Variants in ATRN observed in about 807,000 individuals in gnomAD.
ATRN encodes attractin-2.
ATRN carries 54 observed loss-of-function variants against 178.7 expected under a neutral mutation model. The observed-to-expected ratio is 0.30, with a 90% CI of 0.24 to 0.38. The LOEUF is 0.38. ATRN is among the 10% of genes least tolerant of loss of function. The pLI is 1.00. For synonymous variants in ATRN, 636 were observed against 663.0 expected (o/e 0.96, Z 0.63); for missense variants, 1,443 against 1,815.1 (o/e 0.79, Z 3.73).
chr20:3,516,603 A>G (rs944547815), intron 1 of ATRN, among the ~76,000 whole-genome samples: 1 of 152,188 alleles, frequency 6.6e-6, no homozygotes. Flanking sequence ...CTTTAATAAT[A>G]AGGAGGAGCC....
At chr20:3,497,216 G>C (rs1358881935) in intron 1 of ATRN, among the ~76,000 whole-genome samples, 2 of 147,840 alleles carry the variant, frequency 1.4e-5, no homozygotes, top group African/African-American at 5.0e-5. Context: ...GATGTTAGCT[G>C]GTTATTTTGC....
chr20:3,553,693 G>A (rs235590), intron 6 of ATRN, among the ~76,000 whole-genome samples: 127,835 of 152,194 alleles, frequency 0.84, 53,969 homozygotes, highest in East Asian at 1. Context: ...CAAAACGTAC[G>A]GTGTACATCA....
chr20:3,559,452 T>C lies in ATRN; in HGVS notation c.1172T>C (p.Val391Ala). The C allele has an allele frequency of 6.2e-7, 1 of 1,613,958 alleles. No homozygotes were observed. Among genetic ancestry groups the C allele is most frequent in the Non-Finnish European group, 8.5e-7 (1 of 1,179,836 alleles). Reference protein sequence around the residue: ...PLNRSVNNVVVRYGHSLALYK... With the variant: ...PLNRSVNNVVARYGHSLALYK... The stretch of plus-strand genomic sequence containing the variant: ...AACCGTTCTGTGAACAATGTGGTTG[T>C]TAGATATGGTCATTCTTTGGCATTA... The change falls in exon 7 of 29, where the codon GTT becomes GCT. Residue 391 changes from valine (V) to alanine (A), a missense_variant. Coordinates refer to ENST00000262919, the MANE Select transcript of ATRN (RefSeq NM_139321.3).
chr20:3,504,697 AATAAT>A (rs2085015459), intron 1 of ATRN, among the ~76,000 whole-genome samples: 1 of 71,052 alleles, frequency 1.4e-5, no homozygotes, highest in Admixed American at 1.2e-4. Context: ...AGATAATAAT[AATAAT>A]AATAATAATA....
chr20:3,471,034 C>A lies in ATRN; in HGVS notation c.-74C>A. 2 of 1,410,598 alleles carry A rather than the reference C, an allele frequency of 1.4e-6. No individual in the cohort carries two copies. The highest frequency in any genetic ancestry group is 1.8e-6 in the Non-Finnish European group (2 of 1,087,234). The allele number at this position is 1,410,598 out of a possible 1,614,324, so 87.4% of individuals were successfully genotyped here. A position where few individuals can be genotyped will look rare whatever the true frequency, so the allele number is the denominator to read the frequency against. On this transcript the variant is annotated 5_prime_UTR_variant, in exon 1 of 29. Coordinates refer to ENST00000262919, the MANE Select transcript of ATRN (RefSeq NM_139321.3). ...ACCGTCCGCACAGCCCCGCCCCGCACGGCCAGGCGAAGCGGAGCCGGCCGT... is the reference window on the plus strand; with the variant it reads ...ACCGTCCGCACAGCCCCGCCCCGCAAGGCCAGGCGAAGCGGAGCCGGCCGT...
intron 1 of ATRN, among the ~76,000 whole-genome samples, chr20:3,514,311 T>A (rs891316827): frequency 5.3e-5 from 8 of 152,212 alleles, no homozygotes; most frequent in Admixed American, 3.9e-4. Context: ...ATTTCACCAA[T>A]GTTACAGACT....
intron 1 of ATRN, chr20:3,491,109 T>G (rs905158134): frequency 1.1e-5 from 7 of 615,604 alleles, no homozygotes; most frequent in Non-Finnish European, 2.0e-5. Context: ...AGTATTTTAT[T>G]GATTCTAATA....
intron 1 of ATRN, among the ~76,000 whole-genome samples, chr20:3,530,410 C>T (rs1433454845): frequency 2.0e-5 from 3 of 150,050 alleles, no homozygotes; most frequent in African/African-American, 7.3e-5. Flanking sequence ...ATTATAGGCA[C>T]TTGCCACCAT....
chr20:3,539,004 A>G (rs2085580879), intron 2 of ATRN, among the ~76,000 whole-genome samples: 2 of 152,158 alleles, frequency 1.3e-5, no homozygotes, highest in South Asian at 2.1e-4. Context: ...TCCAAAGCTT[A>G]CTGGCCTATC....
At chr20:3,480,669 T>C (rs1168133501) in intron 1 of ATRN, among the ~76,000 whole-genome samples, 1 of 152,140 alleles carries the variant, frequency 6.6e-6, no homozygotes, top group Non-Finnish European at 1.5e-5. Context: ...CAAATTACCA[T>C]AGACTTTACC....
chr20:3,512,075 CT>C (rs1164587158), intron 1 of ATRN, among the ~76,000 whole-genome samples: 1 of 96,306 alleles, frequency 1.0e-5, no homozygotes, highest in African/African-American at 4.1e-5. Flanking sequence ...GTTATGTGTT[CT>C]TTTTTCTTTT....
At chr20:3,572,652 T>TTA in intron 11 of ATRN, 79 bp from the exon 12 acceptor site, 1 of 1,035,928 alleles carries the variant, frequency 9.7e-7, no homozygotes, top group Non-Finnish European at 1.3e-6. Flanking sequence ...CCCTGTCTCT[T>TTA]AAAAAAAAAA....
At chr20:3,563,487 G>T in intron 10 of ATRN, 124 bp downstream of exon 10, 8 of 982,556 alleles carry the variant, frequency 8.1e-6, no homozygotes, top group South Asian at 6.7e-5. Context: ...AGGTCCAAAT[G>T]GTATTTTTTA....
Position 3,582,302 on chromosome 20 carries a change from G to A in ATRN, c.2712G>A (p.Leu904=), listed in dbSNP as rs2086292672. ...TATCAGAACCCAGTACTCGGGGACTGAAGGCTGCAACCTGCATCAACCCAC... is the reference window on the plus strand; with the variant it reads ...TATCAGAACCCAGTACTCGGGGACTAAAGGCTGCAACCTGCATCAACCCAC... ...GILSEPSTRG[L]KAATCINPLN... is the part of the protein sequence containing the mutation. Residue 904 remains leucine, a synonymous_variant, in exon 16 of 29, where the codon CTG becomes CTA. Coordinates refer to ENST00000262919, the MANE Select transcript of ATRN (RefSeq NM_139321.3). The A allele has an allele frequency of 2.5e-6, 4 of 1,612,440 alleles. No individual in the cohort carries two copies. Among genetic ancestry groups the A allele is most frequent in the Non-Finnish European group, 2.5e-6 (3 of 1,180,034 alleles).
intron 2 of ATRN, among the ~76,000 whole-genome samples, chr20:3,535,821 G>A (rs1451907931): frequency 2.0e-5 from 3 of 151,958 alleles, no homozygotes; most frequent in African/African-American, 7.3e-5. Flanking sequence ...GTAGAGAAGG[G>A]GTTTCACCAT....
chr20:3,624,597 T>C, intron 25 of ATRN, 25 bp downstream of exon 25: 1 of 1,579,990 alleles, frequency 6.3e-7, no homozygotes, highest in Non-Finnish European at 8.7e-7. Flanking sequence ...ACAGACTCTC[T>C]CTGTTCTTTT....
intron 24 of ATRN, among the ~76,000 whole-genome samples, chr20:3,622,631 TATTC>T (rs1476003910): frequency 6.6e-6 from 1 of 152,206 alleles, no homozygotes; most frequent in Non-Finnish European, 1.5e-5. Context: ...GTGGGCGGGG[TATTC>T]AGCAGGGTTA....
intron 1 of ATRN, among the ~76,000 whole-genome samples, chr20:3,477,127 A>G (rs2084542882): frequency 9.1e-6 from 1 of 110,032 alleles, no homozygotes; most frequent in Non-Finnish European, 1.9e-5. Context: ...AGCATAGTTC[A>G]CAAGTCCAGT....
At chr20:3,640,926 G>A (rs879335888) in intron 27 of ATRN, among the ~76,000 whole-genome samples, 3 of 152,170 alleles carry the variant, frequency 2.0e-5, no homozygotes, top group Non-Finnish European at 4.4e-5. Context: ...ATGTTATCCA[G>A]CCTTCCAAAG....
Sources: gnomAD v4.1 joint callset for allele counts (sites outside exome capture counted in the v4.1 genomes callset) on GRCh38, gnomAD v4.1.1 for gene constraint, MANE v1.5 for transcripts, NCBI Gene and HGNC (gene_info 2026-07-23, HGNC 2026-07-21) for gene names.